The following NFIB variants were observed in gnomAD, a reference collection of about 807,000 sequenced individuals.
NFIB encodes the protein nuclear factor 1 B-type.
In NFIB, 11 loss-of-function variants were observed where a neutral mutation model predicts 61.5. The observed-to-expected ratio is 0.18, with a 90% confidence interval of 0.11 to 0.30. The LOEUF is 0.30. Ranked by LOEUF, NFIB falls within the 10% of genes least tolerant of loss-of-function variation. The pLI is 1.00. For missense variants in NFIB, 471 were observed against 608.9 expected (o/e 0.77, Z 2.38); for synonymous variants, 260 against 216.5 (o/e 1.20, Z -1.76).
chr9:14,518,348 C>A, the NFIB span, among the ~76,000 whole-genome samples: 1 of 152,170 alleles, frequency 6.6e-6, no homozygotes, highest in African/African-American at 2.4e-5. Context: ...ACCTTGAGAA[C>A]TGAGCTTCTT....
intron 1 of NFIB, among the ~76,000 whole-genome samples, chr9:14,342,344 G>A (rs2060962225): frequency 6.6e-6 from 1 of 152,118 alleles, no homozygotes; most frequent in Admixed American, 6.5e-5. Flanking sequence ...TTTCCCTTAG[G>A]AACTGAAAAC....
chr9:14,429,037 T>G, the NFIB span, among the ~76,000 whole-genome samples: 7 of 152,306 alleles, frequency 4.6e-5, no homozygotes, highest in East Asian at 1.4e-3. Flanking sequence ...TCAGAGGGAC[T>G]GGAACACACA....
intron 6 of NFIB, among the ~76,000 whole-genome samples, chr9:14,126,540 G>A (rs953383507): frequency 2.6e-5 from 4 of 152,218 alleles, no homozygotes; most frequent in East Asian, 1.9e-4. Context: ...AAATGTGAAT[G>A]AGGATGACAT....
chr9:14,427,348 C>T, the NFIB span, among the ~76,000 whole-genome samples: 1 of 152,108 alleles, frequency 6.6e-6, no homozygotes, highest in Non-Finnish European at 1.5e-5. Flanking sequence ...AAGTGCTTTG[C>T]CTATATTAGC....
the NFIB span, among the ~76,000 whole-genome samples, chr9:14,430,250 A>C: frequency 6.6e-6 from 1 of 152,208 alleles, no homozygotes; most frequent in Admixed American, 6.5e-5. Context: ...TTGCTTGAAC[A>C]AACTCTAGTA....
chr9:14,314,057 G>C lies in NFIB; in HGVS notation c.-546C>G. On this transcript the variant is annotated 5_prime_UTR_variant, in exon 1 of 11. Coordinates refer to ENST00000380953, the MANE Select transcript of NFIB (RefSeq NM_001190737.2). ...TCAAGGTTACAGCCCCAAGCACTGC[G>C]GCAGGATCCCGGAGTGGTGATCGCA... The C allele has an allele frequency of 1.9e-6, 2 of 1,064,158 alleles. No homozygotes were observed. The highest frequency in any genetic ancestry group is 2.3e-6 in the Non-Finnish European group (2 of 879,034). The allele number at this position is 1,064,158 out of a possible 1,614,324, so 65.9% of individuals were successfully genotyped here.
At chr9:14,312,537 G>T (rs1010961741) in intron 1 of NFIB, among the ~76,000 whole-genome samples, 27 of 152,308 alleles carry the variant, frequency 1.8e-4, no homozygotes, top group African/African-American at 6.5e-4. Context: ...TCAGTTGTTA[G>T]TTCCCTGGGC....
chr9:14,184,507 G>C (rs77689286), intron 2 of NFIB, among the ~76,000 whole-genome samples: 1 of 56,252 alleles, frequency 1.8e-5, no homozygotes, highest in African/African-American at 4.0e-5. Flanking sequence ...AATCAAATTT[G>C]TCTCCATTAA....
At chr9:14,182,059 T>C (rs1004252015) in intron 2 of NFIB, among the ~76,000 whole-genome samples, 9 of 152,208 alleles carry the variant, frequency 5.9e-5, no homozygotes, top group Non-Finnish European at 1.2e-4. Context: ...GCTAGAACAA[T>C]GGCATCCCCT....
At chr9:14,260,051 G>C (rs1040930309) in intron 2 of NFIB, among the ~76,000 whole-genome samples, 6 of 152,196 alleles carry the variant, frequency 3.9e-5, no homozygotes, top group African/African-American at 1.4e-4. Context: ...TGAGGGTCTG[G>C]AGGAAGCACT....
intron 10 of NFIB, among the ~76,000 whole-genome samples, chr9:14,098,972 A>C (rs1455129009): frequency 3.3e-5 from 5 of 152,196 alleles, no homozygotes; most frequent in African/African-American, 1.2e-4. Flanking sequence ...GATGGAGGAA[A>C]TCTTCCAGCT....
chr9:14,258,454 G>A (rs1269828270), intron 2 of NFIB, among the ~76,000 whole-genome samples: 2 of 152,200 alleles, frequency 1.3e-5, no homozygotes, highest in Non-Finnish European at 2.9e-5. Context: ...CTTCTGCCAT[G>A]GGGCAAGACA....
intron 6 of NFIB, among the ~76,000 whole-genome samples, chr9:14,133,919 G>A (rs771872654): frequency 7.6e-6 from 1 of 132,290 alleles, no homozygotes; most frequent in Non-Finnish European, 1.5e-5. Context: ...GTGTCCTGAA[G>A]GAGGAAGAAA....
chr9:14,476,135 C>T, the NFIB span, among the ~76,000 whole-genome samples: 1 of 152,110 alleles, frequency 6.6e-6, no homozygotes. Flanking sequence ...AATTCTAACT[C>T]TACTCCCTAA....
At chr9:14,102,294 G>T in intron 10 of NFIB, 1 of 736,248 alleles carries the variant, frequency 1.4e-6, no homozygotes, top group Non-Finnish European at 2.2e-6. Flanking sequence ...GACAGGGAAA[G>T]AAGAATGGCA....
Position 14,087,085 on chromosome 9 carries a change from C to T in NFIB, c.*1224G>A, listed in dbSNP as rs903852335. The T allele has an allele frequency of 1.5e-5, 3 of 202,158 alleles. No homozygotes were observed. Among genetic ancestry groups the T allele is most frequent in the African/African-American group, 2.3e-5 (1 of 43,542 alleles). The allele number at this position is 202,158 out of a possible 1,614,324, so 12.5% of individuals were successfully genotyped here. A position where few individuals can be genotyped will look rare whatever the true frequency, so the allele number is the denominator to read the frequency against. On this transcript the variant is annotated 3_prime_UTR_variant, in exon 11 of 11. Coordinates refer to ENST00000380953, the MANE Select transcript of NFIB (RefSeq NM_001190737.2). ...CCAGTTTGTAAACTGTAAGCTTTAC[C>T]CTTGTGACATGGATTTGCCTGCCTC...
chr9:14,170,897 G>A (rs963453544), intron 3 of NFIB, among the ~76,000 whole-genome samples: 4 of 152,140 alleles, frequency 2.6e-5, no homozygotes, highest in African/African-American at 9.7e-5. Flanking sequence ...CTGGAACTAG[G>A]TACAGTATTA....
Position 14,148,678 on chromosome 9 carries a change from G to A in NFIB, c.806+1467C>T, listed in dbSNP as rs141590639. 1.1e-3 allele frequency among the ~76,000 whole-genome samples: 160 copies of A among 152,146 alleles called. 4 individuals carry two copies. In the East Asian group the frequency reaches 0.023, roughly 22 times the overall value. ...CATAAGGTAAGGACGTCTGACTTCCGCAAGTGTGCTCTTTCCACTGCACTG... is the reference window on the plus strand; with the variant it reads ...CATAAGGTAAGGACGTCTGACTTCCACAAGTGTGCTCTTTCCACTGCACTG... On this transcript the variant is annotated intron_variant, in intron 5 of 10. Transcript: ENST00000380953.
the NFIB span, among the ~76,000 whole-genome samples, chr9:14,508,499 A>G: frequency 3.3e-5 from 5 of 152,228 alleles, no homozygotes; most frequent in African/African-American, 7.2e-5. Context: ...AGCAATTTAA[A>G]TACAGTCTAG....
Sources: gnomAD v4.1 joint callset for allele counts (sites outside exome capture counted in the v4.1 genomes callset) on GRCh38, gnomAD v4.1.1 for gene constraint, MANE v1.5 for transcripts, NCBI Gene and HGNC (gene_info 2026-07-23, HGNC 2026-07-21) for gene names.